RAD54B: variants seen among roughly 807,000 people sequenced by gnomAD.
RAD54B encodes RAD54 homolog B.
A neutral mutation model predicts 95.8 loss-of-function variants in RAD54B; 78 were observed. The ratio of observed to expected loss-of-function variants is 0.81; its 90% confidence interval spans 0.68 to 0.98. The LOEUF is 0.98. Ranked by LOEUF, RAD54B falls within the 50% of genes least tolerant of loss-of-function variation. The probability of loss-of-function intolerance (pLI) is 0.00; values close to 1 mark genes in which losing one functional copy is unlikely to be tolerated. For missense variants in RAD54B, 957 were observed against 1,056.6 expected (o/e 0.91, Z 1.31); for synonymous variants, 328 against 354.9 (o/e 0.92, Z 0.85).
At chr8:94,405,264 C>G (rs955175122) in intron 5 of RAD54B, among the ~76,000 whole-genome samples, 1 of 152,044 alleles carries the variant, frequency 6.6e-6, no homozygotes, top group African/African-American at 2.4e-5. Context: ...ATTGATAAAT[C>G]TGAAATTAGA....
intron 2 of RAD54B, among the ~76,000 whole-genome samples, chr8:94,466,423 G>A (rs560937398): frequency 6.7e-6 from 1 of 149,630 alleles, no homozygotes; most frequent in African/African-American, 2.5e-5. Flanking sequence ...TTTTTTTTTG[G>A]GGGGGACGGA....
chr8:94,396,210 T>G (rs980102200), intron 8 of RAD54B, among the ~76,000 whole-genome samples: 2 of 151,966 alleles, frequency 1.3e-5, no homozygotes, highest in African/African-American at 4.8e-5. Flanking sequence ...TAGATCCCCA[T>G]TTGCTATTTC....
chr8:94,468,652 C>T (rs1024226162), intron 1 of RAD54B, among the ~76,000 whole-genome samples: 1 of 151,798 alleles, frequency 6.6e-6, no homozygotes, highest in African/African-American at 2.4e-5. Flanking sequence ...AGTGAAACCA[C>T]ATCTCTACTA....
chr8:94,454,027 G>A (rs1232517357), intron 3 of RAD54B, among the ~76,000 whole-genome samples: 2 of 151,952 alleles, frequency 1.3e-5, no homozygotes, highest in Non-Finnish European at 2.9e-5. Context: ...CTGACCTCAG[G>A]TCATCCACCC....
At chr8:94,436,041 G>A (rs542267044) in intron 3 of RAD54B, among the ~76,000 whole-genome samples, 1 of 152,096 alleles carries the variant, frequency 6.6e-6, no homozygotes, top group Admixed American at 6.6e-5. Context: ...TTCAATAAGT[G>A]TAGACAATGA....
intron 8 of RAD54B, among the ~76,000 whole-genome samples, chr8:94,398,237 C>T (rs926407731): frequency 6.6e-6 from 1 of 152,060 alleles, no homozygotes; most frequent in African/African-American, 2.4e-5. Context: ...ATAAAAAGGT[C>T]ATTTAGCATT....
intron 3 of RAD54B, among the ~76,000 whole-genome samples, chr8:94,453,824 CT>C (rs1812720067): frequency 6.6e-6 from 1 of 152,020 alleles, no homozygotes; most frequent in South Asian, 2.1e-4. Flanking sequence ...GAGTTTTGCT[CT>C]TTTTTGTCCA....
At chr8:94,450,331 G>A (rs1812624658) in intron 3 of RAD54B, among the ~76,000 whole-genome samples, 1 of 152,170 alleles carries the variant, frequency 6.6e-6, no homozygotes, top group South Asian at 2.1e-4. Context: ...AAGTCTCTTT[G>A]AGACTGCATG....
chr8:94,458,703 C>G (rs912956756), intron 2 of RAD54B, among the ~76,000 whole-genome samples: 3 of 151,992 alleles, frequency 2.0e-5, no homozygotes, highest in African/African-American at 7.2e-5. Flanking sequence ...ACTGTCTCTA[C>G]TAAAAATATA....
chr8:94,454,143 T>C (rs1296932685), intron 3 of RAD54B, among the ~76,000 whole-genome samples: 1 of 147,336 alleles, frequency 6.8e-6, no homozygotes, highest in Non-Finnish European at 1.5e-5. Context: ...TGTGCGTGCA[T>C]TACCTTTTAA....
chr8:94,429,066 A>G (rs564796906), intron 3 of RAD54B: 1 of 985,400 alleles, frequency 1.0e-6, no homozygotes, highest in African/African-American at 1.7e-5. Context: ...AAAAGTAAAC[A>G]AGACTGACTT....
chr8:94,422,618 ATATATAT>A (rs1190008478), intron 3 of RAD54B, among the ~76,000 whole-genome samples: 39 of 24,132 alleles, frequency 1.6e-3, no homozygotes, highest in African/African-American at 8.2e-3. Context: ...AAAAAAAAAA[ATATATAT>A]ATATATATAT....
In RAD54B at chr8:94,449,067, C is replaced by T. The variant is rs887643382; in HGVS notation, c.304+9201G>A. ...ATGCATGCACACACACACACACACA[C>T]ATACACACATATATATCTCCCATAA... On this transcript the variant is annotated intron_variant, in intron 3 of 14. Coordinates refer to ENST00000336148, the MANE Select transcript of RAD54B (RefSeq NM_012415.3). Among the ~76,000 whole-genome samples the T allele has an allele frequency of 3.3e-5, 5 of 150,962 alleles. No individual in the cohort carries two copies. The East Asian group carries it at 9.7e-4, about 29-fold the overall frequency.
intron 12 of RAD54B, among the ~76,000 whole-genome samples, chr8:94,379,753 C>A (rs1051336047): frequency 2.0e-5 from 3 of 152,184 alleles, no homozygotes; most frequent in Admixed American, 2.0e-4. Flanking sequence ...TACTTTTATA[C>A]CCTTACTATA....
At chr8:94,471,206 C>A (rs1362716897) in intron 1 of RAD54B, among the ~76,000 whole-genome samples, 3 of 148,306 alleles carry the variant, frequency 2.0e-5, no homozygotes, top group African/African-American at 7.7e-5. Flanking sequence ...AGTATATCGC[C>A]AGTACCAAAT....
At chr8:94,404,456 C>T (rs1481290859) in intron 5 of RAD54B, among the ~76,000 whole-genome samples, 3 of 152,152 alleles carry the variant, frequency 2.0e-5, no homozygotes, top group African/African-American at 7.2e-5. Flanking sequence ...TACGAAGAGC[C>T]TTCCAAACTT....
intron 2 of RAD54B, among the ~76,000 whole-genome samples, chr8:94,464,686 G>A (rs1010540925): frequency 6.6e-6 from 1 of 152,124 alleles, no homozygotes; most frequent in African/African-American, 2.4e-5. Flanking sequence ...AGACTGTATG[G>A]TATTTAAATT....
chr8:94,434,654 A>G (rs1406425471), intron 3 of RAD54B, among the ~76,000 whole-genome samples: 1 of 151,478 alleles, frequency 6.6e-6, no homozygotes, highest in East Asian at 1.9e-4. Flanking sequence ...TGAGATTATT[A>G]AGATTCAAGG....
At chr8:94,390,729 A>T (rs1369860898) in intron 10 of RAD54B, among the ~76,000 whole-genome samples, 1 of 151,802 alleles carries the variant, frequency 6.6e-6, no homozygotes, top group Admixed American at 6.6e-5. Context: ...GCACTTAGTG[A>T]TTGGTACAGG....
Sources: allele counts gnomAD v4.1 joint callset (sites outside exome capture counted in the v4.1 genomes callset), GRCh38; gene constraint gnomAD v4.1.1; transcripts MANE v1.5; gene names NCBI Gene and HGNC (gene_info 2026-07-23, HGNC 2026-07-21).